The following PIP5K1B variants were observed in gnomAD, a reference collection of about 807,000 sequenced individuals.
The protein encoded by PIP5K1B is phosphatidylinositol-4-phosphate 5-kinase type 1 beta.
A neutral mutation model predicts 67.0 loss-of-function variants in PIP5K1B; 42 were observed. The observed-to-expected ratio is 0.63, with a 90% confidence interval of 0.49 to 0.81. The LOEUF is 0.81. PIP5K1B is among the 30% of genes least tolerant of loss of function. The pLI is 0.00. For synonymous variants in PIP5K1B, 214 were observed against 231.4 expected, an observed-to-expected ratio of 0.92 and a Z score of 0.68; for missense variants, 459 against 646.3, an observed-to-expected ratio of 0.71 and a Z score of 3.14.
intron 4 of PIP5K1B, among the ~76,000 whole-genome samples, chr9:68,862,438 T>C: frequency 6.6e-6 from 1 of 152,136 alleles, no homozygotes; most frequent in East Asian, 1.9e-4. Flanking sequence ...CAGGGGACAC[T>C]GCAATTATAG....
chr9:68,786,760 A>G (rs1056809975), intron 2 of PIP5K1B, among the ~76,000 whole-genome samples: 9 of 152,174 alleles, frequency 5.9e-5, no homozygotes, highest in African/African-American at 1.4e-4. Context: ...TTTAGAACGA[A>G]AAGGGACTGG....
chr9:68,743,039 CTT>C (rs1829092688), intron 2 of PIP5K1B, among the ~76,000 whole-genome samples: 1 of 152,092 alleles, frequency 6.6e-6, no homozygotes, highest in Admixed American at 6.5e-5. Context: ...AGCTGTCAGA[CTT>C]TGAATGAACG....
intron 15 of PIP5K1B, among the ~76,000 whole-genome samples, chr9:69,004,069 A>G (rs1830947548): frequency 6.6e-6 from 1 of 152,218 alleles, no homozygotes; most frequent in Admixed American, 6.5e-5. Flanking sequence ...TTGTGTACAT[A>G]CTATTGTGTA....
chr9:68,827,701 G>T (rs1834061301), intron 4 of PIP5K1B, among the ~76,000 whole-genome samples: 1 of 152,170 alleles, frequency 6.6e-6, no homozygotes, highest in African/African-American at 2.4e-5. Context: ...TTTTTGAAAA[G>T]AAAATTACAT....
intron 15 of PIP5K1B, among the ~76,000 whole-genome samples, chr9:69,001,707 A>G (rs1353190756): frequency 6.6e-6 from 1 of 152,088 alleles, no homozygotes; most frequent in Non-Finnish European, 1.5e-5. Flanking sequence ...CCATGAATCA[A>G]TCGCCTCCCA....
intron 2 of PIP5K1B, among the ~76,000 whole-genome samples, chr9:68,771,643 G>A (rs1399562911): frequency 2.0e-5 from 3 of 152,168 alleles, no homozygotes; most frequent in African/African-American, 7.2e-5. Flanking sequence ...AAAATACTTA[G>A]AAGGCTCTGG....
intron 14 of PIP5K1B, among the ~76,000 whole-genome samples, chr9:68,966,141 G>A (rs552061667): frequency 1.3e-5 from 2 of 151,942 alleles, no homozygotes; most frequent in South Asian, 4.2e-4. Flanking sequence ...ATATCCAAGA[G>A]GCCATACTAA....
At chr9:68,916,886 A>AG (rs1404346800) in intron 8 of PIP5K1B, among the ~76,000 whole-genome samples, 1 of 151,942 alleles carries the variant, frequency 6.6e-6, no homozygotes, top group East Asian at 1.9e-4. Context: ...ATAAAAAAAA[A>AG]AAAGAGGTTT....
chr9:68,805,430 C>T (rs901779046), intron 2 of PIP5K1B, among the ~76,000 whole-genome samples: 4 of 152,214 alleles, frequency 2.6e-5, no homozygotes, highest in African/African-American at 9.6e-5. Flanking sequence ...CATCACAATG[C>T]TGAGTGCAGG....
chr9:68,890,772 A>G (rs11144157), intron 7 of PIP5K1B, among the ~76,000 whole-genome samples: 14,778 of 151,730 alleles, frequency 0.097, 842 homozygotes, highest in Non-Finnish European at 0.14. Flanking sequence ...GCTTTCAGTT[A>G]TTCTTTGTTC....
intron 8 of PIP5K1B, among the ~76,000 whole-genome samples, chr9:68,901,691 G>T (rs1825361098): frequency 6.6e-6 from 1 of 152,176 alleles, no homozygotes; most frequent in African/African-American, 2.4e-5. Context: ...TAAGCATAAA[G>T]CAAAGTTAAA....
At chr9:68,873,281 CTT>C (rs772335388) in intron 5 of PIP5K1B, among the ~76,000 whole-genome samples, 290 of 90,622 alleles carry the variant, frequency 3.2e-3, no homozygotes, top group African/African-American at 0.012. Flanking sequence ...ACTTTCTGAT[CTT>C]TTTTTTTTTT....
chr9:68,939,635 G>A (rs981696971), intron 13 of PIP5K1B, among the ~76,000 whole-genome samples: 1 of 152,182 alleles, frequency 6.6e-6, no homozygotes, highest in Admixed American at 6.5e-5. Flanking sequence ...TGGAGGCAGA[G>A]CTCCACCACC....
intron 2 of PIP5K1B, among the ~76,000 whole-genome samples, chr9:68,777,411 C>T (rs72717925): frequency 1.0e-3 from 156 of 152,226 alleles, no homozygotes; most frequent in Middle Eastern, 3.4e-3. Context: ...TGTGGTACTC[C>T]GGAGGACAAT....
At chr9:68,899,883 T>C (rs1825276402) in intron 8 of PIP5K1B, among the ~76,000 whole-genome samples, 1 of 152,200 alleles carries the variant, frequency 6.6e-6, no homozygotes, top group Non-Finnish European at 1.5e-5. Flanking sequence ...TAGTACCTAA[T>C]AGGTAAATTT....
intron 4 of PIP5K1B, among the ~76,000 whole-genome samples, chr9:68,830,246 G>A (rs1272427969): frequency 1.3e-5 from 2 of 152,126 alleles, no homozygotes; most frequent in Admixed American, 6.6e-5. Flanking sequence ...TTAGAAGCAT[G>A]TGTAATCATA....
chr9:68,742,777 G>A (rs1486879818), intron 2 of PIP5K1B, 120 bp downstream of exon 2: 2 of 152,360 alleles, frequency 1.3e-5, no homozygotes, highest in East Asian at 3.9e-4. Context: ...TGGTGTGAAT[G>A]GGCAGCTGAT....
At chr9:68,827,472 G>C (rs1425016871) in intron 4 of PIP5K1B, among the ~76,000 whole-genome samples, 1 of 152,188 alleles carries the variant, frequency 6.6e-6, no homozygotes, top group Non-Finnish European at 1.5e-5. Flanking sequence ...ACTTAAATAA[G>C]CACACGTGGC....
At chr9:68,980,757 G>T (rs1038277036) in intron 14 of PIP5K1B, among the ~76,000 whole-genome samples, 1 of 152,060 alleles carries the variant, frequency 6.6e-6, no homozygotes, top group Non-Finnish European at 1.5e-5. Context: ...TCTGCCCTTC[G>T]CCTGGATATT....
Sources: gnomAD v4.1 joint callset for allele counts (sites outside exome capture counted in the v4.1 genomes callset) on GRCh38, gnomAD v4.1.1 for gene constraint, MANE v1.5 for transcripts, NCBI Gene and HGNC (gene_info 2026-07-23, HGNC 2026-07-21) for gene names.